JAKMIP1: variants seen among roughly 807,000 people sequenced by gnomAD.
JAKMIP1 encodes janus kinase and microtubule-interacting protein 1.
JAKMIP1 carries 33 observed loss-of-function variants against 113.0 expected under a neutral mutation model. The observed-to-expected ratio is 0.29, with a 90% CI of 0.22 to 0.39. The LOEUF is 0.39. JAKMIP1 is among the 10% of genes least tolerant of loss of function. The pLI is 1.00. For missense variants in JAKMIP1, 813 were observed against 1,080.5 expected (o/e 0.75, Z 3.47); for synonymous variants, 480 against 459.9 (o/e 1.04, Z -0.56).
In JAKMIP1 at chr4:6,086,785, C is replaced by T. The variant is rs1015502777; in HGVS notation, c.625-1156G>A. On this transcript the variant is annotated intron_variant, in intron 3 of 20. Coordinates refer to ENST00000409021, the MANE Select transcript of JAKMIP1 (RefSeq NM_001099433.2). This position sits in a 1 kb window ranked among gnomAD's most constrained non-coding sequence, Gnocchi z 4.1. ...AGGTCATCCTGGAGCAGGGTGGGCC[C>T]TTATGACTGGTGTCCTTATGAGAGG... Among the ~76,000 whole-genome samples, 5 of 151,994 alleles carry T rather than the reference C, an allele frequency of 3.3e-5. No homozygotes were observed. The highest frequency in any genetic ancestry group is 1.2e-4 in the African/African-American group (5 of 41,396).
intron 18 of JAKMIP1, among the ~76,000 whole-genome samples, chr4:6,038,681 C>G (rs561612759): frequency 6.6e-6 from 1 of 152,342 alleles, no homozygotes; most frequent in East Asian, 1.9e-4. Flanking sequence ...TCAGCTCTAC[C>G]CACCCCAACA....
intron 1 of JAKMIP1, among the ~76,000 whole-genome samples, chr4:6,171,736 G>C (rs1724754911): frequency 6.6e-6 from 1 of 152,218 alleles, no homozygotes; most frequent in African/African-American, 2.4e-5. Flanking sequence ...CGTGCAGGTA[G>C]GACTGTGCTT....
chr4:6,131,527 C>T (rs143671903), intron 1 of JAKMIP1, among the ~76,000 whole-genome samples: 98 of 152,074 alleles, frequency 6.4e-4, no homozygotes, highest in African/African-American at 2.2e-3. Context: ...GCCAGGAGTT[C>T]GAGATCAGCC....
rs1330186046 is a variant in JAKMIP1, at chr4:6,056,408, T to G, written c.1707+289A>C. 3.3e-5 allele frequency among the ~76,000 whole-genome samples: 5 copies of G among 152,218 alleles called. No homozygotes were observed. The South Asian group carries it at 6.2e-4, about 19-fold the overall frequency. On this transcript the variant is annotated intron_variant, in intron 12 of 20. Transcript: ENST00000409021. ...AGAGGTTGGGGCCAGCCCTCCCCAT[T>G]TCTGCAGAGTGGCCTGGGAAGACAG...
At position 6,199,992 on chromosome 4, in the gene JAKMIP1, A is replaced by C. The variant is rs1728273419; in HGVS notation, c.-148+261T>G. On this transcript the variant is annotated intron_variant, in intron 1 of 20. Coordinates refer to ENST00000409021, the MANE Select transcript of JAKMIP1 (RefSeq NM_001099433.2). The surrounding 1 kb of genome is among the most constrained non-coding windows in gnomAD (Gnocchi z 5.6). ...GAGGGGGTGTTGGGGGAAGCGACGC[A>C]GCGGCTGGGAGATTTTGCAAGGGGG... is the stretch of plus-strand genomic sequence containing the variant. 8.6e-6 allele frequency among the ~76,000 whole-genome samples: 1 copy of C among 116,388 alleles called. No individual in the cohort carries two copies. Among genetic ancestry groups the C allele is most frequent in the South Asian group, 2.8e-4 (1 of 3,528 alleles). The allele number at this position is 116,388 out of a possible 152,430, so 76.4% of individuals were successfully genotyped here. A position where few individuals can be genotyped will look rare whatever the true frequency, so the allele number is the denominator to read the frequency against.
At position 6,153,228 on chromosome 4, in the gene JAKMIP1, C is replaced by A. The variant is rs1385294770; in HGVS notation, c.-147-40231G>T. On this transcript the variant is annotated intron_variant, in intron 1 of 20. Transcript: ENST00000409021. This position sits in a 1 kb window ranked among gnomAD's most constrained non-coding sequence, Gnocchi z 4.9. ...CTCACCATTCGACAGCACCCTGATTCCTACTCAGAGGCCCCAACGTCCCTG... is the reference window on the plus strand; with the variant it reads ...CTCACCATTCGACAGCACCCTGATTACTACTCAGAGGCCCCAACGTCCCTG... Among the ~76,000 whole-genome samples, 1 of 152,210 alleles carries A rather than the reference C, an allele frequency of 6.6e-6. No individual in the cohort carries two copies. The highest frequency in any genetic ancestry group is 1.5e-5 in the Non-Finnish European group (1 of 68,036).
intron 1 of JAKMIP1, among the ~76,000 whole-genome samples, chr4:6,169,743 A>G (rs1208000263): frequency 6.6e-6 from 1 of 151,416 alleles, no homozygotes; most frequent in Non-Finnish European, 1.5e-5. Context: ...TTGAATCCCA[A>G]CTCTAGTATG....
chr4:6,090,228 A>AC (rs560111473), intron 3 of JAKMIP1, among the ~76,000 whole-genome samples: 225 of 152,074 alleles, frequency 1.5e-3, no homozygotes, highest in African/African-American at 5.3e-3. Flanking sequence ...TTTCAAAAAA[A>AC]AAAAGAAGAA....
intron 1 of JAKMIP1, among the ~76,000 whole-genome samples, chr4:6,128,265 G>A (rs1302831223): frequency 6.6e-6 from 1 of 152,228 alleles, no homozygotes; most frequent in African/African-American, 2.4e-5. Context: ...TGTGAAAGGA[G>A]GATCTCTCAC....
At chr4:6,126,328 TTGCAGAAACACACACACACACACCA>T (rs1717599960) in intron 1 of JAKMIP1, among the ~76,000 whole-genome samples, 1 of 25,060 alleles carries the variant, frequency 4.0e-5, no homozygotes, top group South Asian at 9.8e-4. Context: ...AACATACACC[TTGCAGAAACACACACACACACACCA>T]TGCAGAAACA....
Position 6,129,079 on chromosome 4 carries a change from G to A in JAKMIP1, c.-147-16082C>T, listed in dbSNP as rs899017427. ...CCCAGAGCAGGTGACAGTACCCCTGGGAGCCCTCTTTGGATGCCTGCTGGA... is the reference window on the plus strand; with the variant it reads ...CCCAGAGCAGGTGACAGTACCCCTGAGAGCCCTCTTTGGATGCCTGCTGGA... On this transcript the variant is annotated intron_variant, in intron 1 of 20. Transcript: ENST00000409021. The surrounding 1 kb of genome is among the most constrained non-coding windows in gnomAD (Gnocchi z 5.4). Among the ~76,000 whole-genome samples the A allele has an allele frequency of 5.3e-5, 8 of 152,198 alleles. No individual in the cohort carries two copies. The highest frequency in any genetic ancestry group is 2.6e-4 in the Admixed American group (4 of 15,284).
At chr4:6,121,416 G>A (rs183555488) in intron 1 of JAKMIP1, among the ~76,000 whole-genome samples, 53 of 152,280 alleles carry the variant, frequency 3.5e-4, no homozygotes, top group Admixed American at 5.9e-4. Flanking sequence ...ATACTCTCTT[G>A]CCTTCAACTT....
chr4:6,161,988 G>A (rs535686977), intron 1 of JAKMIP1, among the ~76,000 whole-genome samples: 1 of 152,276 alleles, frequency 6.6e-6, no homozygotes, highest in South Asian at 2.1e-4. Flanking sequence ...AGTTCCCCAC[G>A]GTGTCTGCCT....
chr4:6,118,825 G>A (rs1401209870), intron 1 of JAKMIP1, among the ~76,000 whole-genome samples: 5 of 152,152 alleles, frequency 3.3e-5, no homozygotes, highest in African/African-American at 9.7e-5. Context: ...AAAGAAATAC[G>A]ATCACATCCT....
At chr4:6,171,629 C>A (rs1392786272) in intron 1 of JAKMIP1, among the ~76,000 whole-genome samples, 2 of 152,236 alleles carry the variant, frequency 1.3e-5, no homozygotes, top group African/African-American at 4.8e-5. Context: ...ATGCCAAGAG[C>A]ATGAGTGCAC....
intron 8 of JAKMIP1, among the ~76,000 whole-genome samples, chr4:6,072,884 G>A (rs1267312510): frequency 6.6e-6 from 1 of 152,084 alleles, no homozygotes; most frequent in African/African-American, 2.4e-5. Flanking sequence ...TTCGAGACCA[G>A]CCTGGCCAAT....
intron 16 of JAKMIP1, among the ~76,000 whole-genome samples, chr4:6,043,737 A>G (rs1578072292): frequency 1.3e-5 from 1 of 78,974 alleles, no homozygotes; most frequent in Admixed American, 1.8e-4. Flanking sequence ...CTCCCCACAC[A>G]CCCCAAATTC....
At position 6,179,469 on chromosome 4, in the gene JAKMIP1, T is replaced by A. The variant is rs1725771516; in HGVS notation, c.-148+20784A>T. Among the ~76,000 whole-genome samples the A allele has an allele frequency of 8.5e-5, 13 of 152,130 alleles. No homozygotes were observed. The highest frequency in any genetic ancestry group is 8.5e-4 in the Admixed American group (13 of 15,276). On this transcript the variant is annotated intron_variant, in intron 1 of 20. Transcript: ENST00000409021. This position sits in a 1 kb window ranked among gnomAD's most constrained non-coding sequence, Gnocchi z 4.5. ...CCCATCCACCACCACCTCCTTCCTC[T>A]ACCTTCCTGACACCCCCTACAGGCA...
rs1368572152 is a variant in JAKMIP1, at chr4:6,186,731, C to A, written c.-148+13522G>T. ...TTCAAGTTCCCTGCTTCCTTGTTGA[C>A]CTCCTGTAGAGTTGTTCTATCTGTT... is the stretch of plus-strand genomic sequence containing the variant. On this transcript the variant is annotated intron_variant, in intron 1 of 20. Coordinates refer to ENST00000409021, the MANE Select transcript of JAKMIP1 (RefSeq NM_001099433.2). This position sits in a 1 kb window ranked among gnomAD's most constrained non-coding sequence, Gnocchi z 5.5. 6.6e-6 allele frequency among the ~76,000 whole-genome samples: 1 copy of A among 152,164 alleles called. No individual in the cohort carries two copies. Among genetic ancestry groups the A allele is most frequent in the Non-Finnish European group, 1.5e-5 (1 of 68,044 alleles).
Sources: gnomAD v4.1 joint callset for allele counts (sites outside exome capture counted in the v4.1 genomes callset) on GRCh38, gnomAD v4.1.1 for gene constraint, Gnocchi (gnomAD v3.1) non-coding constraint, MANE v1.5 for transcripts, NCBI Gene and HGNC (gene_info 2026-07-23, HGNC 2026-07-21) for gene names.